Variants in NEK11 observed in about 807,000 individuals in gnomAD.
The protein encoded by NEK11 is NIMA related kinase 11.
A neutral mutation model predicts 80.7 loss-of-function variants in NEK11; 72 were observed. The observed-to-expected ratio is 0.89, with a 90% CI of 0.74 to 1.08. The LOEUF is 1.08. NEK11 is among the 50% of genes least tolerant of loss of function. The pLI, the probability that NEK11 is intolerant of heterozygous loss-of-function variation, is 0.00. For synonymous variants in NEK11, 251 were observed against 260.7 expected, an observed-to-expected ratio of 0.96 and a Z score of 0.36; for missense variants, 764 against 763.6, an observed-to-expected ratio of 1.00 and a Z score of -0.01.
At chr3:131,289,959 C>G (rs1432904112) in intron 17 of NEK11, among the ~76,000 whole-genome samples, 2 of 152,204 alleles carry the variant, frequency 1.3e-5, no homozygotes, top group African/African-American at 4.8e-5. Context: ...TTAACATTAT[C>G]TCTGCAAGTC....
At chr3:131,346,386 G>A (rs145469205) in intron 17 of NEK11, among the ~76,000 whole-genome samples, 3,030 of 152,234 alleles carry the variant, frequency 0.02, 83 homozygotes, top group Admixed American at 0.063. Flanking sequence ...CATTTTGGGA[G>A]GAAAATAAAC....
intron 17 of NEK11, among the ~76,000 whole-genome samples, chr3:131,302,280 C>A (rs533588609): frequency 6.6e-6 from 1 of 151,878 alleles, no homozygotes; most frequent in African/African-American, 2.4e-5. Flanking sequence ...AGTGGTGTAT[C>A]AGTCTTATTT....
At chr3:131,074,976 A>G (rs1263830167) in intron 3 of NEK11, among the ~76,000 whole-genome samples, 1 of 152,168 alleles carries the variant, frequency 6.6e-6, no homozygotes, top group East Asian at 1.9e-4. Flanking sequence ...CATAGAAGAT[A>G]GTTAATAGAC....
intron 17 of NEK11, among the ~76,000 whole-genome samples, chr3:131,283,634 C>A (rs993318378): frequency 6.6e-6 from 1 of 151,992 alleles, no homozygotes; most frequent in Non-Finnish European, 1.5e-5. Flanking sequence ...ATTGAAGTAA[C>A]CCTTTAATGG....
chr3:131,102,983 A>G lies in NEK11; in HGVS notation c.337-6820A>G, dbSNP rs116136840. On this transcript the variant is annotated intron_variant, in intron 4 of 17. Transcript: ENST00000383366. ...TGTTAATACTTTTGATTATATTATG[A>G]AATTCTTGTAGTCAATTTTTCAGCT... 8.1e-3 allele frequency among the ~76,000 whole-genome samples: 1,239 copies of G among 152,220 alleles called. 21 individuals are homozygous for G. Among genetic ancestry groups the G allele is most frequent in the African/African-American group, 0.028 (1,172 of 41,526 alleles).
At chr3:131,212,794 T>A (rs1233652251) in intron 14 of NEK11, among the ~76,000 whole-genome samples, 1 of 152,226 alleles carries the variant, frequency 6.6e-6, no homozygotes. Context: ...TCCTGTTAGA[T>A]CCTGTGATAG....
chr3:131,054,747 T>TATAA (rs1398638770), intron 3 of NEK11, among the ~76,000 whole-genome samples: 172 of 124,054 alleles, frequency 1.4e-3, no homozygotes, highest in East Asian at 4.2e-3. Flanking sequence ...ACAGCCTGCC[T>TATAA]CTAAATAAAT....
chr3:131,180,171 T>C (rs887612973), intron 14 of NEK11, among the ~76,000 whole-genome samples: 2 of 152,130 alleles, frequency 1.3e-5, no homozygotes, highest in Non-Finnish European at 2.9e-5. Flanking sequence ...GAAAATTACT[T>C]CCTTGCAATT....
chr3:131,275,303 G>C (rs1247689227), intron 17 of NEK11, among the ~76,000 whole-genome samples: 1 of 152,170 alleles, frequency 6.6e-6, no homozygotes, highest in East Asian at 1.9e-4. Context: ...ACCCGTAAAA[G>C]TTAACAATGT....
intron 16 of NEK11, among the ~76,000 whole-genome samples, chr3:131,256,198 A>G (rs2095813262): frequency 6.6e-6 from 1 of 152,158 alleles, no homozygotes; most frequent in South Asian, 2.1e-4. Context: ...AATGGCTAGA[A>G]GAGAAGATTT....
At chr3:131,202,117 A>C (rs1387918384) in intron 14 of NEK11, among the ~76,000 whole-genome samples, 1 of 152,152 alleles carries the variant, frequency 6.6e-6, no homozygotes, top group Non-Finnish European at 1.5e-5. Context: ...AGTGTGAGCC[A>C]AGGGTCCATT....
intron 17 of NEK11, among the ~76,000 whole-genome samples, chr3:131,307,843 A>T (rs1027862128): frequency 3.3e-5 from 5 of 152,224 alleles, no homozygotes; most frequent in African/African-American, 1.2e-4. Context: ...CTTTGGTGAC[A>T]AAAAGCTGTT....
chr3:131,116,056 C>T (rs1004266652), intron 5 of NEK11, among the ~76,000 whole-genome samples: 4 of 150,780 alleles, frequency 2.7e-5, no homozygotes, highest in African/African-American at 9.8e-5. Context: ...ATACATGTGC[C>T]ATGTTGGTGT....
At chr3:131,182,526 G>T (rs2093412841) in intron 14 of NEK11, among the ~76,000 whole-genome samples, 1 of 152,072 alleles carries the variant, frequency 6.6e-6, no homozygotes, top group African/African-American at 2.4e-5. Context: ...CCACATGTGG[G>T]GATATATTTA....
At chr3:131,256,569 T>G (rs1422849968) in intron 16 of NEK11, among the ~76,000 whole-genome samples, 2 of 152,202 alleles carry the variant, frequency 1.3e-5, no homozygotes, top group Non-Finnish European at 2.9e-5. Context: ...AATGCCTATA[T>G]TGGTCCTCTA....
At chr3:131,251,398 C>T (rs752832375) in intron 16 of NEK11, among the ~76,000 whole-genome samples, 28 of 151,950 alleles carry the variant, frequency 1.8e-4, no homozygotes, top group Non-Finnish European at 3.4e-4. Context: ...CAATTCTGCC[C>T]TCCATTACTT....
intron 17 of NEK11, among the ~76,000 whole-genome samples, chr3:131,316,644 G>A (rs2096843284): frequency 6.6e-6 from 1 of 151,908 alleles, no homozygotes; most frequent in Non-Finnish European, 1.5e-5. Context: ...CTTTGTTTTT[G>A]CTTTTTTTGT....
At chr3:131,287,333 G>T (rs1382436424) in intron 17 of NEK11, among the ~76,000 whole-genome samples, 1 of 152,194 alleles carries the variant, frequency 6.6e-6, no homozygotes, top group Non-Finnish European at 1.5e-5. Context: ...GGGTGCAGTG[G>T]TGTGATCTCA....
intron 14 of NEK11, among the ~76,000 whole-genome samples, chr3:131,200,974 A>G (rs911424806): frequency 6.6e-6 from 1 of 152,198 alleles, no homozygotes; most frequent in Non-Finnish European, 1.5e-5. Context: ...ATGCCTATTA[A>G]TAGCATAACA....
Sources: allele counts gnomAD v4.1 joint callset (sites outside exome capture counted in the v4.1 genomes callset), GRCh38; gene constraint gnomAD v4.1.1; transcripts MANE v1.5; gene names NCBI Gene and HGNC (gene_info 2026-07-23, HGNC 2026-07-21).